Variants in HAPLN1 observed in about 807,000 individuals in gnomAD.
HAPLN1 encodes the protein Cartilage link protein.
A neutral mutation model predicts 36.5 loss-of-function variants in HAPLN1; 13 were observed. The observed-to-expected ratio is 0.36, with a 90% CI of 0.23 to 0.57. HAPLN1 has a LOEUF of 0.57. Among genes scored for constraint, HAPLN1 ranks in the 20% least tolerant of loss-of-function variants. The pLI, the probability that HAPLN1 is intolerant of heterozygous loss-of-function variation, is 0.83. For synonymous variants in HAPLN1, 202 were observed against 169.8 expected, an observed-to-expected ratio of 1.19 and a Z score of -1.48; for missense variants, 407 against 439.7, an observed-to-expected ratio of 0.93 and a Z score of 0.66.
At chr5:83,717,770 T>C (rs1308562122) in intron 1 of HAPLN1, among the ~76,000 whole-genome samples, 1 of 152,234 alleles carries the variant, frequency 6.6e-6, no homozygotes, top group Non-Finnish European at 1.5e-5. Context: ...GCCAGGTTCC[T>C]GCTTCAAAAC....
At chr5:83,660,526 A>T (rs1750356133) in intron 2 of HAPLN1, among the ~76,000 whole-genome samples, 1 of 152,142 alleles carries the variant, frequency 6.6e-6, no homozygotes, top group South Asian at 2.1e-4. Context: ...TCAACTGAAC[A>T]TAGTTTAAAA....
chr5:83,661,197 CATCTAT>C (rs143407538), intron 2 of HAPLN1, among the ~76,000 whole-genome samples: 69 of 148,246 alleles, frequency 4.7e-4, no homozygotes, highest in Non-Finnish European at 6.1e-4. Flanking sequence ...ATGTCTTTGT[CATCTAT>C]ATCTATATCT....
intron 1 of HAPLN1, 172 bp from the exon 2 acceptor site, chr5:83,673,721 G>T (rs1750790099): frequency 1.1e-5 from 6 of 531,814 alleles, no homozygotes; most frequent in Non-Finnish European, 2.0e-5. Flanking sequence ...CGGCAGCTTT[G>T]AACAATTCCT....
At chr5:83,653,076 A>G (rs536033064) in intron 2 of HAPLN1, among the ~76,000 whole-genome samples, 1 of 152,096 alleles carries the variant, frequency 6.6e-6, no homozygotes, top group African/African-American at 2.4e-5. Context: ...TGGATATAAA[A>G]CTCCATAGTC....
At chr5:83,663,179 T>C (rs1750457400) in intron 2 of HAPLN1, among the ~76,000 whole-genome samples, 1 of 152,156 alleles carries the variant, frequency 6.6e-6, no homozygotes, top group African/African-American at 2.4e-5. Context: ...AGATACAGGT[T>C]CCCAGTGATG....
At chr5:83,700,840 A>T (rs995561683) in intron 1 of HAPLN1, among the ~76,000 whole-genome samples, 2 of 152,154 alleles carry the variant, frequency 1.3e-5, no homozygotes, top group South Asian at 4.1e-4. Context: ...TGAAATAAGG[A>T]CACAGTAAAA....
intron 2 of HAPLN1, among the ~76,000 whole-genome samples, chr5:83,667,178 G>A (rs1750575372): frequency 6.6e-6 from 1 of 152,070 alleles, no homozygotes; most frequent in Non-Finnish European, 1.5e-5. Flanking sequence ...TGCAATATAT[G>A]AGCATTTTTA....
chr5:83,670,652 A>ATTTTC (rs1750683676), intron 2 of HAPLN1, among the ~76,000 whole-genome samples: 1 of 151,412 alleles, frequency 6.6e-6, no homozygotes, highest in Non-Finnish European at 1.5e-5. Context: ...TACACTTGCT[A>ATTTTC]TTTTCTTTCC....
chr5:83,715,344 G>T (rs769990495), intron 1 of HAPLN1, among the ~76,000 whole-genome samples: 1 of 152,310 alleles, frequency 6.6e-6, no homozygotes, highest in South Asian at 2.1e-4. Flanking sequence ...GATCCTCTGG[G>T]ATGCAGGGGT....
intron 1 of HAPLN1, among the ~76,000 whole-genome samples, chr5:83,705,620 G>A (rs1751624466): frequency 1.3e-5 from 2 of 152,014 alleles, no homozygotes. Flanking sequence ...ACATCAAAAA[G>A]TTGGAAAGAT....
chr5:83,685,887 A>G (rs1281667898), intron 1 of HAPLN1: 1 of 152,164 alleles, frequency 6.6e-6, no homozygotes, highest in Non-Finnish European at 1.5e-5. Flanking sequence ...TGTGCTGCTT[A>G]TTTGAAGAGA....
intron 1 of HAPLN1, among the ~76,000 whole-genome samples, chr5:83,677,049 A>G (rs909192202): frequency 3.3e-5 from 5 of 152,206 alleles, no homozygotes; most frequent in Admixed American, 2.6e-4. Flanking sequence ...AAGATGGTCA[A>G]CTGCTATTTC....
rs1228380190 is a variant in HAPLN1, at chr5:83,709,035, C to T, written c.-27+11754G>A. Among the ~76,000 whole-genome samples, 4 of 152,026 alleles carry T rather than the reference C, an allele frequency of 2.6e-5. No homozygotes were observed. In the East Asian group the frequency reaches 5.8e-4, roughly 22 times the overall value. ...GGACTACAGGCATGTGCCACCATGC[C>T]CTGATAATTTTTTTTGTATTTTTAG... On this transcript the variant is annotated intron_variant, in intron 1 of 4. Coordinates refer to ENST00000274341, the MANE Select transcript of HAPLN1 (RefSeq NM_001884.4).
chr5:83,672,424 T>C (rs1750754966), intron 2 of HAPLN1, among the ~76,000 whole-genome samples: 1 of 152,052 alleles, frequency 6.6e-6, no homozygotes, highest in Non-Finnish European at 1.5e-5. Context: ...GAGAAAAAAA[T>C]AAAGCTGTTG....
At chr5:83,656,370 C>T (rs1298987396) in intron 2 of HAPLN1, among the ~76,000 whole-genome samples, 2 of 142,992 alleles carry the variant, frequency 1.4e-5, no homozygotes, top group Admixed American at 1.4e-4. Flanking sequence ...GATTAGCAGG[C>T]TGTGGCATAG....
intron 1 of HAPLN1, among the ~76,000 whole-genome samples, chr5:83,711,768 C>T (rs774693649): frequency 6.6e-6 from 1 of 152,080 alleles, no homozygotes; most frequent in East Asian, 1.9e-4. Flanking sequence ...TCTGGTTTGA[C>T]TAACACATTT....
intron 2 of HAPLN1, among the ~76,000 whole-genome samples, chr5:83,664,630 C>T (rs1312734049): frequency 6.6e-6 from 1 of 152,018 alleles, no homozygotes; most frequent in Non-Finnish European, 1.5e-5. Context: ...TGATCTGCTC[C>T]CCTCGGCCTC....
intron 1 of HAPLN1, among the ~76,000 whole-genome samples, chr5:83,692,629 C>T (rs1751306050): frequency 1.3e-5 from 2 of 151,766 alleles, no homozygotes; most frequent in African/African-American, 4.8e-5. Context: ...ATTTAAGAAA[C>T]TTCTTCATGC....
chr5:83,651,982 A>G (rs112584809), intron 3 of HAPLN1: 1 of 155,704 alleles, frequency 6.4e-6, no homozygotes, highest in African/African-American at 2.4e-5. Flanking sequence ...AAAGAAAGCT[A>G]GAGATTACTT....
Sources: gnomAD v4.1 joint callset for allele counts (sites outside exome capture counted in the v4.1 genomes callset) on GRCh38, gnomAD v4.1.1 for gene constraint, MANE v1.5 for transcripts, NCBI Gene and HGNC (gene_info 2026-07-23, HGNC 2026-07-21) for gene names.